The following SH3GL3 variants were observed in gnomAD, a reference collection of about 807,000 sequenced individuals.
SH3GL3 encodes SH3 domain containing GRB2 like 3, endophilin A3.
In SH3GL3, 33 loss-of-function variants were observed where a neutral mutation model predicts 47.7. The observed-to-expected ratio is 0.69, with a 90% CI of 0.52 to 0.92. The LOEUF (loss-of-function observed/expected upper bound fraction) is 0.92. Among genes scored for constraint, SH3GL3 ranks in the 40% least tolerant of loss-of-function variants. The pLI, the probability that SH3GL3 is intolerant of heterozygous loss-of-function variation, is 0.00. For synonymous variants in SH3GL3, 155 were observed against 148.8 expected, an observed-to-expected ratio of 1.04 and a Z score of -0.30; for missense variants, 363 against 417.8, an observed-to-expected ratio of 0.87 and a Z score of 1.14.
At chr15:83,530,444 G>A (rs936990126) in intron 1 of SH3GL3, among the ~76,000 whole-genome samples, 1 of 152,068 alleles carries the variant, frequency 6.6e-6, no homozygotes, top group African/African-American at 2.4e-5. Flanking sequence ...TACTTTCTGT[G>A]CCTCAGGTGT....
At chr15:83,534,075 G>C (rs1210795479) in intron 1 of SH3GL3, among the ~76,000 whole-genome samples, 2 of 152,116 alleles carry the variant, frequency 1.3e-5, no homozygotes, top group African/African-American at 2.4e-5. Context: ...AAGCTCAATT[G>C]CTACTGTAAC....
chr15:83,598,209 G>C (rs1567025476), intron 8 of SH3GL3, among the ~76,000 whole-genome samples: 4 of 152,112 alleles, frequency 2.6e-5, no homozygotes, highest in Non-Finnish European at 5.9e-5. Context: ...GAAGGCAGTT[G>C]CCAGGGCTCC....
At chr15:83,497,027 A>G (rs2042108015) in intron 1 of SH3GL3, among the ~76,000 whole-genome samples, 1 of 151,982 alleles carries the variant, frequency 6.6e-6, no homozygotes, top group Non-Finnish European at 1.5e-5. Context: ...TCTTCTGCCA[A>G]CCTCAGGCCC....
At chr15:83,511,908 G>A (rs1052256808) in intron 1 of SH3GL3, among the ~76,000 whole-genome samples, 2 of 152,144 alleles carry the variant, frequency 1.3e-5, no homozygotes, top group African/African-American at 2.4e-5. Flanking sequence ...TCAGGATACC[G>A]GGTAAGAGGG....
At chr15:83,462,143 AGCCTTGT>A (rs1402428808) in intron 1 of SH3GL3, among the ~76,000 whole-genome samples, 18 of 152,346 alleles carry the variant, frequency 1.2e-4, no homozygotes, top group African/African-American at 4.1e-4. Flanking sequence ...ACAAGGGACA[AGCCTTGT>A]GCCTGATATG....
intron 8 of SH3GL3, among the ~76,000 whole-genome samples, chr15:83,608,129 T>A (rs1439229746): frequency 6.6e-6 from 1 of 152,132 alleles, no homozygotes; most frequent in Non-Finnish European, 1.5e-5. Context: ...AAATCACACA[T>A]GCTTATTTTT....
At chr15:83,481,025 C>T (rs1267097445) in intron 1 of SH3GL3, among the ~76,000 whole-genome samples, 2 of 152,098 alleles carry the variant, frequency 1.3e-5, no homozygotes, top group Non-Finnish European at 2.9e-5. Flanking sequence ...CCTGTAATCC[C>T]AGCACTTTGG....
Position 83,476,517 on chromosome 15 carries a change from A to G in SH3GL3, c.45+28939A>G, listed in dbSNP as rs140121515. ...GGCAAACATTTGGCCTGTGGGCCAGATATGGCCCACTGCCTGTTTTATTGT... is the reference window on the plus strand; with the variant it reads ...GGCAAACATTTGGCCTGTGGGCCAGGTATGGCCCACTGCCTGTTTTATTGT... On this transcript the variant is annotated intron_variant, in intron 1 of 8. Coordinates refer to ENST00000427482, the MANE Select transcript of SH3GL3 (RefSeq NM_003027.5). Among the ~76,000 whole-genome samples the G allele has an allele frequency of 2.6e-3, 395 of 152,354 alleles. 4 individuals are homozygous for G. Among genetic ancestry groups the G allele is most frequent in the African/African-American group, 9.0e-3 (376 of 41,590 alleles).
the SH3GL3 span, among the ~76,000 whole-genome samples, chr15:83,631,787 G>T: frequency 2.6e-5 from 4 of 152,186 alleles, no homozygotes; most frequent in Non-Finnish European, 1.5e-5. Context: ...GGGAGGGGCT[G>T]CCATGAAGGT....
intron 1 of SH3GL3, among the ~76,000 whole-genome samples, chr15:83,511,418 A>C (rs2042743109): frequency 6.6e-6 from 1 of 152,222 alleles, no homozygotes; most frequent in Non-Finnish European, 1.5e-5. Context: ...AAATAAGGAA[A>C]AAAAGTAAAT....
intron 8 of SH3GL3, among the ~76,000 whole-genome samples, chr15:83,614,360 G>T (rs2151849638): frequency 6.6e-6 from 1 of 152,266 alleles, no homozygotes; most frequent in African/African-American, 2.4e-5. Flanking sequence ...CTGTCTAGAG[G>T]CTAGAAACAT....
At chr15:83,496,216 G>C (rs2042070529) in intron 1 of SH3GL3, among the ~76,000 whole-genome samples, 1 of 151,794 alleles carries the variant, frequency 6.6e-6, no homozygotes, top group African/African-American at 2.4e-5. Flanking sequence ...AATTAGCCAG[G>C]CGTGGTGGTG....
intron 1 of SH3GL3, among the ~76,000 whole-genome samples, chr15:83,465,527 A>T (rs1166980044): frequency 6.6e-6 from 1 of 151,842 alleles, no homozygotes; most frequent in East Asian, 1.9e-4. Context: ...AAGAAAGGTC[A>T]TTCTATCTTG....
chr15:83,550,298 A>G (rs1055130052), intron 1 of SH3GL3, among the ~76,000 whole-genome samples: 1 of 152,202 alleles, frequency 6.6e-6, no homozygotes, highest in Non-Finnish European at 1.5e-5. Flanking sequence ...AGATTTTCCT[A>G]TTAGACAACG....
At chr15:83,587,227 G>T (rs1331456702) in intron 7 of SH3GL3, 141 bp downstream of exon 7, 2 of 570,390 alleles carry the variant, frequency 3.5e-6, no homozygotes, top group Non-Finnish European at 6.2e-6. Flanking sequence ...GGCTTTCATG[G>T]TTGGATGTGG....
chr15:83,605,993 T>C (rs574870558), intron 8 of SH3GL3, among the ~76,000 whole-genome samples: 2 of 152,322 alleles, frequency 1.3e-5, no homozygotes, highest in South Asian at 2.1e-4. Flanking sequence ...TCCTGAATTA[T>C]ATATTTAAAG....
chr15:83,533,685 G>C (rs1449370801), intron 1 of SH3GL3, among the ~76,000 whole-genome samples: 1 of 152,160 alleles, frequency 6.6e-6, no homozygotes, highest in Non-Finnish European at 1.5e-5. Flanking sequence ...TGCTCCCTTT[G>C]AGTCTCTTAC....
chr15:83,571,326 G>A (rs1211068769), intron 4 of SH3GL3, among the ~76,000 whole-genome samples: 1 of 152,206 alleles, frequency 6.6e-6, no homozygotes, highest in African/African-American at 2.4e-5. Context: ...GGCACTGGTG[G>A]CAGAGGGGCT....
intron 2 of SH3GL3, among the ~76,000 whole-genome samples, chr15:83,561,654 A>G (rs2045279635): frequency 6.6e-6 from 1 of 152,168 alleles, no homozygotes; most frequent in South Asian, 2.1e-4. Flanking sequence ...AAGACAACAA[A>G]CCTCTACCAA....
Sources: gnomAD v4.1 joint callset for allele counts (sites outside exome capture counted in the v4.1 genomes callset) on GRCh38, gnomAD v4.1.1 for gene constraint, MANE v1.5 for transcripts, NCBI Gene and HGNC (gene_info 2026-07-23, HGNC 2026-07-21) for gene names.